The following RP1 variants were observed in gnomAD, a reference collection of about 807,000 sequenced individuals.
The protein encoded by RP1 is RP1 axonemal microtubule associated.
Under a neutral mutation model 14.8 loss-of-function variants are expected in RP1, and 16 were observed. The observed-to-expected ratio is 1.08, with a 90% CI of 0.73 to 1.65. The LOEUF is 1.65. RP1 is among the 40% of genes most tolerant of loss of function. The probability of loss-of-function intolerance (pLI) is 0.00; values close to 1 mark genes in which losing one functional copy is unlikely to be tolerated. For synonymous variants in RP1, 876 were observed against 883.6 expected, an observed-to-expected ratio of 0.99 and a Z score of 0.15; for missense variants, 2,631 against 2,535.0, an observed-to-expected ratio of 1.04 and a Z score of -0.81.
chr8:54,680,015 A>G, intron 12 of RP1: 3 of 1,455,744 alleles, frequency 2.1e-6, no homozygotes, highest in Non-Finnish European at 2.7e-6. Context: ...AGTTTAATTT[A>G]TAGTTTTGTT....
At chr8:54,586,665 C>T (rs1177216713) in intron 1 of RP1, among the ~76,000 whole-genome samples, 1 of 152,184 alleles carries the variant, frequency 6.6e-6, no homozygotes, top group Non-Finnish European at 1.5e-5. Context: ...TTCCTGGCTG[C>T]TTTTTTACCT....
At chr8:54,798,181 G>GT (rs1450764545) in intron 24 of RP1, among the ~76,000 whole-genome samples, 2 of 151,852 alleles carry the variant, frequency 1.3e-5, no homozygotes, top group Non-Finnish European at 1.5e-5. Context: ...GCCCGGCTAA[G>GT]TTTTTTGTAT....
chr8:54,677,186 C>T (rs1276748229), intron 8 of RP1, among the ~76,000 whole-genome samples: 1 of 151,790 alleles, frequency 6.6e-6, no homozygotes, highest in Non-Finnish European at 1.5e-5. Context: ...CCTGGGAAAA[C>T]CCTCTGTCCT....
chr8:54,817,406 G>C (rs1811159772), intron 24 of RP1, among the ~76,000 whole-genome samples: 1 of 152,116 alleles, frequency 6.6e-6, no homozygotes, highest in Non-Finnish European at 1.5e-5. Context: ...GGGGAGACTT[G>C]GGCACACATT....
intron 24 of RP1, among the ~76,000 whole-genome samples, chr8:54,831,763 A>C (rs1210989893): frequency 6.6e-6 from 1 of 151,670 alleles, no homozygotes; most frequent in African/African-American, 2.4e-5. Context: ...CTTTTTTGCT[A>C]TACATTTACA....
In RP1 at chr8:54,624,669, G is replaced by A. The variant is rs1258594287; in HGVS notation, c.788-1G>A. 1 of 1,613,320 alleles carries A rather than the reference G, an allele frequency of 6.2e-7. No individual in the cohort carries two copies. Among genetic ancestry groups the A allele is most frequent in the Non-Finnish European group, 8.5e-7 (1 of 1,179,824 alleles). On this transcript the variant is annotated splice_acceptor_variant, in intron 3 of 3. Transcript: ENST00000220676. LOFTEE classifies it high-confidence loss of function. The stretch of plus-strand genomic sequence containing the variant: ...ACCTTTTACTCTTAAAATCTTTAAA[G>A]TAAGCACACATATGTCTTCAAGCTC...
intron 7 of RP1, among the ~76,000 whole-genome samples, chr8:54,668,228 A>G (rs1807061666): frequency 6.6e-6 from 1 of 152,162 alleles, no homozygotes; most frequent in Admixed American, 6.6e-5. Context: ...CTATACACCA[A>G]TAACAGACAA....
rs138463542 is a variant in RP1, at chr8:54,577,340, A to C, written c.-13+18020A>C. On this transcript the variant is annotated intron_variant, in intron 1 of 22. Coordinates refer to the RP1 transcript ENST00000636932. ...TGAAAACTTTAAATCAGTGAAAGCT[A>C]TCTGAATAGATGGGAAACAACTGCC... Among the ~76,000 whole-genome samples, 23 of 152,348 alleles carry C rather than the reference A, an allele frequency of 1.5e-4. 1 individual carries two copies. The East Asian group carries it at 4.4e-3, about 29-fold the overall frequency.
chr8:54,591,525 C>T (rs1044039245), intron 1 of RP1, among the ~76,000 whole-genome samples: 1 of 152,118 alleles, frequency 6.6e-6, no homozygotes, highest in Non-Finnish European at 1.5e-5. Context: ...GGCCTTATCA[C>T]CTCTACAAAA....
intron 21 of RP1, among the ~76,000 whole-genome samples, chr8:54,758,510 T>G (rs894325859): frequency 6.6e-6 from 1 of 151,258 alleles, no homozygotes; most frequent in Non-Finnish European, 1.5e-5. Flanking sequence ...GGAAAGAAAA[T>G]TTGTCCCACA....
chr8:54,579,135 A>G (rs1248404661), intron 1 of RP1, among the ~76,000 whole-genome samples: 1 of 152,046 alleles, frequency 6.6e-6, no homozygotes, highest in East Asian at 1.9e-4. Flanking sequence ...TGTTTCAAGA[A>G]CTCCAATCTA....
chr8:54,717,028 C>T (rs1223753484), intron 15 of RP1, among the ~76,000 whole-genome samples: 1 of 152,138 alleles, frequency 6.6e-6, no homozygotes, highest in Non-Finnish European at 1.5e-5. Flanking sequence ...CTTTCAGAAT[C>T]GGATGCACCT....
At chr8:54,764,738 G>A (rs1223179649) in intron 22 of RP1, among the ~76,000 whole-genome samples, 2 of 152,054 alleles carry the variant, frequency 1.3e-5, no homozygotes, top group South Asian at 2.1e-4. Context: ...TAAGCCCAAA[G>A]GGAAATCATA....
chr8:54,804,082 A>G (rs949775615), intron 24 of RP1, among the ~76,000 whole-genome samples: 8 of 151,866 alleles, frequency 5.3e-5, no homozygotes, highest in Admixed American at 1.3e-4. Flanking sequence ...AAAATAAAAG[A>G]ATTAAAAAAT....
intron 3 of RP1, among the ~76,000 whole-genome samples, chr8:54,637,672 C>G (rs1004204904): frequency 2.6e-5 from 4 of 151,908 alleles, no homozygotes; most frequent in Non-Finnish European, 5.9e-5. Flanking sequence ...CAGCCTCCCA[C>G]TTCATATCTC....
At chr8:54,569,082 A>G (rs1293632520) in intron 1 of RP1, among the ~76,000 whole-genome samples, 2 of 152,246 alleles carry the variant, frequency 1.3e-5, no homozygotes, top group Non-Finnish European at 2.9e-5. Context: ...AATAATGCAA[A>G]AAAGAGCAGA....
intron 24 of RP1, among the ~76,000 whole-genome samples, chr8:54,798,263 C>T (rs539996729): frequency 7.9e-5 from 12 of 152,126 alleles, no homozygotes; most frequent in African/African-American, 2.7e-4. Context: ...CTGCCTGCTT[C>T]GGCCTCTCAA....
chr8:54,639,267 A>C (rs1806412456), intron 3 of RP1, among the ~76,000 whole-genome samples: 1 of 152,074 alleles, frequency 6.6e-6, no homozygotes, highest in Non-Finnish European at 1.5e-5. Context: ...GTTGTTTTTC[A>C]TTGCTGAGTG....
chr8:54,659,535 C>G (rs537507783), intron 6 of RP1, among the ~76,000 whole-genome samples: 5 of 152,134 alleles, frequency 3.3e-5, no homozygotes, highest in Non-Finnish European at 7.4e-5. Context: ...AATCATTTCA[C>G]TGTATAATCG....
Sources: allele counts gnomAD v4.1 joint callset (sites outside exome capture counted in the v4.1 genomes callset), GRCh38; gene constraint gnomAD v4.1.1; transcripts MANE v1.5; gene names NCBI Gene and HGNC (gene_info 2026-07-23, HGNC 2026-07-21).